Variants in PTCSC3 observed in about 807,000 individuals in gnomAD.
The protein encoded by PTCSC3 is papillary thyroid carcinoma susceptibility candidate 3.
intron 1 of PTCSC3, among the ~76,000 whole-genome samples, chr14:36,170,486 C>T (rs975674566): frequency 4.6e-5 from 7 of 152,112 alleles, no homozygotes; most frequent in Non-Finnish European, 1.0e-4. Flanking sequence ...TATTTTTTCA[C>T]ATGTTCTTTA....
At chr14:36,150,058 G>T (rs1310061414) in intron 3 of PTCSC3, among the ~76,000 whole-genome samples, 1 of 152,170 alleles carries the variant, frequency 6.6e-6, no homozygotes, top group Non-Finnish European at 1.5e-5. Context: ...TCAAATTAGG[G>T]ATGCTCAACC....
intron 2 of PTCSC3, chr14:36,153,906 A>C (rs1041682471): frequency 6.6e-6 from 1 of 152,102 alleles, no homozygotes; most frequent in Non-Finnish European, 1.5e-5. Context: ...TCTCCAAAAA[A>C]ATACAAAAAT....
chr14:36,172,882 C>T (rs751665677), intron 1 of PTCSC3, among the ~76,000 whole-genome samples: 1 of 151,982 alleles, frequency 6.6e-6, no homozygotes, highest in Non-Finnish European at 1.5e-5. Context: ...GTTTTAGCTG[C>T]AAAATACCTC....
At chr14:36,137,592 T>G (rs1455975569) in intron 3 of PTCSC3, among the ~76,000 whole-genome samples, 1 of 152,144 alleles carries the variant, frequency 6.6e-6, no homozygotes, top group Non-Finnish European at 1.5e-5. Context: ...TTGGATTCTG[T>G]GTGTATTTTA....
chr14:36,151,935 T>A (rs895675627), intron 3 of PTCSC3, among the ~76,000 whole-genome samples: 1 of 152,222 alleles, frequency 6.6e-6, no homozygotes, highest in Non-Finnish European at 1.5e-5. Context: ...GGTGGGTCTT[T>A]TGGAGGGAAA....
chr14:36,146,082 G>C (rs1160999078), intron 3 of PTCSC3, among the ~76,000 whole-genome samples: 1 of 140,204 alleles, frequency 7.1e-6, no homozygotes, highest in Admixed American at 7.2e-5. Flanking sequence ...TTACTTCCAA[G>C]TATGTGGTCA....
At chr14:36,149,350 G>A (rs1279224440) in intron 3 of PTCSC3, among the ~76,000 whole-genome samples, 1 of 151,966 alleles carries the variant, frequency 6.6e-6, no homozygotes, top group African/African-American at 2.4e-5. Flanking sequence ...AGCATACTTT[G>A]TATGATTTCT....
chr14:36,164,938 G>A (rs546095353), intron 1 of PTCSC3, among the ~76,000 whole-genome samples: 4 of 152,226 alleles, frequency 2.6e-5, no homozygotes, highest in East Asian at 3.9e-4. Context: ...TAATGTCATA[G>A]GACACTTAAT....
At chr14:36,139,922 C>A (rs1881380486) in intron 3 of PTCSC3, among the ~76,000 whole-genome samples, 1 of 152,130 alleles carries the variant, frequency 6.6e-6, no homozygotes, top group African/African-American at 2.4e-5. Flanking sequence ...ATCAGGTATC[C>A]ACCATTACAA....
At chr14:36,164,051 G>A (rs1361473200) in intron 1 of PTCSC3, 2 of 152,184 alleles carry the variant, frequency 1.3e-5, no homozygotes, top group Non-Finnish European at 1.5e-5. Flanking sequence ...AACATTTGGA[G>A]AATTTCACTG....
chr14:36,166,131 C>T (rs1245062191), intron 1 of PTCSC3, among the ~76,000 whole-genome samples: 1 of 152,122 alleles, frequency 6.6e-6, no homozygotes. Context: ...TTTGTCCATC[C>T]GTCCACCTGT....
chr14:36,156,095 T>G (rs1881819448), intron 2 of PTCSC3, among the ~76,000 whole-genome samples: 1 of 152,224 alleles, frequency 6.6e-6, no homozygotes, highest in Non-Finnish European at 1.5e-5. Flanking sequence ...AAAACTGGTT[T>G]TTCTAGCTTT....
intron 1 of PTCSC3, among the ~76,000 whole-genome samples, chr14:36,169,211 A>C (rs913918602): frequency 6.6e-6 from 1 of 152,158 alleles, no homozygotes; most frequent in African/African-American, 2.4e-5. Context: ...ATACTGCCTT[A>C]AATTTTTTTT....
In PTCSC3 at chr14:36,147,208, C is replaced by T. The variant is rs532298243; in HGVS notation, n.322+6596G>A. Among the ~76,000 whole-genome samples, 3 of 152,296 alleles carry T rather than the reference C, an allele frequency of 2.0e-5. No individual in the cohort carries two copies. The East Asian group carries it at 5.8e-4, about 29-fold the overall frequency. The stretch of plus-strand genomic sequence containing the variant: ...GTATTTCCTGAATCTGAATGTTGGC[C>T]TGCCTTGCTAGATTGGGGAAGTTCT... On this transcript the variant is annotated intron_variant and non_coding_transcript_variant, in intron 3 of 3. Transcript: ENST00000556013.
At chr14:36,159,425 C>T (rs1265321021) in intron 2 of PTCSC3, among the ~76,000 whole-genome samples, 2 of 152,032 alleles carry the variant, frequency 1.3e-5, no homozygotes, top group Non-Finnish European at 2.9e-5. Flanking sequence ...TAGCTGTGTC[C>T]CAGAGATTCT....
At chr14:36,136,217 C>G (rs922339685) in exon 4 of PTCSC3, 4 of 152,182 alleles carry the variant, frequency 2.6e-5, no homozygotes, top group African/African-American at 9.7e-5. Flanking sequence ...CCTTTCCCAG[C>G]CCACTGACTC....
At chr14:36,151,277 G>T (rs370327408) in intron 3 of PTCSC3, among the ~76,000 whole-genome samples, 10 of 151,670 alleles carry the variant, frequency 6.6e-5, no homozygotes, top group African/African-American at 2.4e-4. Flanking sequence ...TGTAGGTAAG[G>T]TATTACCCCC....
chr14:36,146,796 G>A (rs1302804780), intron 3 of PTCSC3, among the ~76,000 whole-genome samples: 5 of 152,196 alleles, frequency 3.3e-5, no homozygotes, highest in South Asian at 2.1e-4. Context: ...TGCAGCGGCT[G>A]GTACTGGTTG....
At chr14:36,172,832 C>T (rs953914370) in intron 1 of PTCSC3, among the ~76,000 whole-genome samples, 6 of 152,104 alleles carry the variant, frequency 3.9e-5, no homozygotes, top group Non-Finnish European at 7.4e-5. Context: ...TCTCAAAAAG[C>T]CTCCCAGCCC....
Sources: allele counts gnomAD v4.1 joint callset (sites outside exome capture counted in the v4.1 genomes callset), GRCh38; gene constraint gnomAD v4.1.1; transcripts MANE v1.5; gene names NCBI Gene and HGNC (gene_info 2026-07-23, HGNC 2026-07-21).